Variants in CAMK2N1 observed in about 807,000 individuals in gnomAD.
The protein encoded by CAMK2N1 is calcium/calmodulin-dependent protein kinase II inhibitor 1.
In CAMK2N1, 2 loss-of-function variants were observed where a neutral mutation model predicts 6.4. The ratio of observed to expected loss-of-function variants is 0.31; its 90% CI spans 0.13 to 0.98. The LOEUF is 0.98. Among genes scored for constraint, CAMK2N1 ranks in the 50% least tolerant of loss-of-function variants. The pLI is 0.51. For synonymous variants in CAMK2N1, 42 were observed against 47.5 expected (o/e 0.88, Z 0.47); for missense variants, 77 against 107.3 (o/e 0.72, Z 1.25).
In CAMK2N1 at chr1:20,485,830, GGGAGCTGCGAGCGGC is replaced by G; in HGVS notation, c.-466_-452del. 6.6e-6 allele frequency: 1 copy of G among 152,216 alleles called. No individual in the cohort carries two copies. Among genetic ancestry groups the G allele is most frequent in the Non-Finnish European group, 1.5e-5 (1 of 68,004 alleles). The allele number at this position is 152,216 out of a possible 1,614,324, so 9.4% of individuals were successfully genotyped here. Reference sequence around the variant, plus strand: ...CGGCGCCGGTTCGGGGAGGCAGACTGGGAGCTGCGAGCGGCGGGGCTGCGAGGGGCGGAGGGGGAG... The same window carrying G: ...CGGCGCCGGTTCGGGGAGGCAGACTGGGGGCTGCGAGGGGCGGAGGGGGAG... On this transcript the variant is annotated 5_prime_UTR_variant, in exon 1 of 2. Coordinates refer to ENST00000375078, the MANE Select transcript of CAMK2N1 (RefSeq NM_018584.6). This position sits in a 1 kb window ranked among gnomAD's most constrained non-coding sequence, Gnocchi z 8.4.
chr1:20,484,033 G>A lies in CAMK2N1; in HGVS notation c.167-314C>T, dbSNP rs1170500710. ...CTGGCCCGCGTCCTCCCCGCACCAGGCGCACTAATTTAGACAGAAATGTCT... is the reference window on the plus strand; with the variant it reads ...CTGGCCCGCGTCCTCCCCGCACCAGACGCACTAATTTAGACAGAAATGTCT... On this transcript the variant is annotated intron_variant, in intron 1 of 1. Coordinates refer to ENST00000375078, the MANE Select transcript of CAMK2N1 (RefSeq NM_018584.6). The surrounding 1 kb of genome is among the most constrained non-coding windows in gnomAD (Gnocchi z 6.8). Among the ~76,000 whole-genome samples the A allele has an allele frequency of 6.6e-6, 1 of 152,342 alleles. No individual in the cohort carries two copies. Among genetic ancestry groups the A allele is most frequent in the Non-Finnish European group, 1.5e-5 (1 of 68,026 alleles).
At chr1:20,483,831 G>GC in intron 1 of CAMK2N1, 112 bp from the exon 2 acceptor site, 1 of 939,746 alleles carries the variant, frequency 1.1e-6, no homozygotes, top group South Asian at 1.3e-5. Flanking sequence ...GGGCGAGGGA[G>GC]CAGGGCTCAC....
rs571284722 is a variant in CAMK2N1, at chr1:20,484,416, C to A, written c.167-697G>T. 4.6e-5 allele frequency: 7 copies of A among 152,442 alleles called. No homozygotes were observed. The highest frequency in any genetic ancestry group is 1.4e-4 in the African/African-American group (6 of 41,582). The allele number at this position is 152,442 out of a possible 1,614,324, so 9.4% of individuals were successfully genotyped here. A position where few individuals can be genotyped will look rare whatever the true frequency, so the allele number is the denominator to read the frequency against. On this transcript the variant is annotated intron_variant, in intron 1 of 1. Coordinates refer to ENST00000375078, the MANE Select transcript of CAMK2N1 (RefSeq NM_018584.6). The surrounding 1 kb of genome is among the most constrained non-coding windows in gnomAD (Gnocchi z 6.8). ...TCAGTCCCTCCATCGTCCCTCGGCG[C>A]GACGGCCGGCAGCCGATCGAGGTCT...
In CAMK2N1 at chr1:20,482,657, A is replaced by G. The variant is rs2051477178; in HGVS notation, c.*992T>C. 6.6e-6 allele frequency: 1 copy of G among 152,622 alleles called. No individual in the cohort carries two copies. The highest frequency in any genetic ancestry group is 2.4e-5 in the African/African-American group (1 of 41,468). The allele number at this position is 152,622 out of a possible 1,614,324, so 9.5% of individuals were successfully genotyped here. A position where few individuals can be genotyped will look rare whatever the true frequency, so the allele number is the denominator to read the frequency against. ...GAAAAGACACTCCAAGCATTCCTGT[A>G]CGTGGACTCAGAGCACAGAGAAAAG... On this transcript the variant is annotated 3_prime_UTR_variant, in exon 2 of 2. Coordinates refer to ENST00000375078, the MANE Select transcript of CAMK2N1 (RefSeq NM_018584.6).
chr1:20,485,383 C>G lies in CAMK2N1; in HGVS notation c.-4G>C. 7.3e-7 allele frequency: 1 copy of G among 1,372,040 alleles called. No individual in the cohort carries two copies. Among genetic ancestry groups the G allele is most frequent in the East Asian group, 3.0e-5 (1 of 33,074 alleles). 85.0% of individuals were successfully genotyped at this position (1,372,040 alleles called of 1,614,324 possible). ...CGTAGGGCAGCACCTCCGACATGGT[C>G]GCGTCCGGGGGCTCCGCCGCGGCGC... On this transcript the variant is annotated 5_prime_UTR_variant, in exon 1 of 2. Coordinates refer to ENST00000375078, the MANE Select transcript of CAMK2N1 (RefSeq NM_018584.6). This position sits in a 1 kb window ranked among gnomAD's most constrained non-coding sequence, Gnocchi z 8.4.
In CAMK2N1 at chr1:20,483,728, A is replaced by C; in HGVS notation, c.167-9T>G. On this transcript the variant is annotated splice_polypyrimidine_tract_variant and intron_variant, in intron 1 of 1. Transcript: ENST00000375078. ...ATCATCTTCAATAACAACTGCAAAA[A>C]AAGGGGGGAAAAGAGAGGTGAGCGC... is the stretch of plus-strand genomic sequence containing the variant. 6.2e-7 allele frequency: 1 copy of C among 1,613,772 alleles called. No individual in the cohort carries two copies. Among genetic ancestry groups the C allele is most frequent in the South Asian group, 1.1e-5 (1 of 91,070 alleles).
chr1:20,485,391 G>C lies in CAMK2N1; in HGVS notation c.-12C>G. The C allele has an allele frequency of 7.6e-7, 1 of 1,316,256 alleles. No individual in the cohort carries two copies. Among genetic ancestry groups the C allele is most frequent in the Non-Finnish European group, 9.7e-7 (1 of 1,028,400 alleles). 81.5% of individuals were successfully genotyped at this position (1,316,256 alleles called of 1,614,324 possible). Reference sequence around the variant, plus strand: ...AGCACCTCCGACATGGTCGCGTCCGGGGGCTCCGCCGCGGCGCCTCCTCCG... The same window carrying C: ...AGCACCTCCGACATGGTCGCGTCCGCGGGCTCCGCCGCGGCGCCTCCTCCG... On this transcript the variant is annotated 5_prime_UTR_variant, in exon 1 of 2. Transcript: ENST00000375078. The surrounding 1 kb of genome is among the most constrained non-coding windows in gnomAD (Gnocchi z 8.4).
rs1462998863 is a variant in CAMK2N1 at position 20,486,193 on chromosome 1, C to G, written c.-814G>C. The G allele has an allele frequency of 6.8e-6, 1 of 147,174 alleles. No individual in the cohort carries two copies. Among genetic ancestry groups the G allele is most frequent in the African/African-American group, 2.5e-5 (1 of 39,464 alleles). 9.1% of individuals were successfully genotyped at this position (147,174 alleles called of 1,614,324 possible). On this transcript the variant is annotated 5_prime_UTR_variant, in exon 1 of 2. Coordinates refer to ENST00000375078, the MANE Select transcript of CAMK2N1 (RefSeq NM_018584.6). The surrounding 1 kb of genome is among the most constrained non-coding windows in gnomAD (Gnocchi z 6.5). ...AGGGAGGCAGGGATAGAGGAGGCAG[C>G]GAGCTGCGAGGAGAAATGCCGGCCG...
Position 20,483,443 on chromosome 1 carries a change from T to G in CAMK2N1, c.*206A>C, listed in dbSNP as rs2051484866. 1.0e-5 allele frequency: 4 copies of G among 392,778 alleles called. No homozygotes were observed. The highest frequency in any genetic ancestry group is 9.0e-6 in the Non-Finnish European group (2 of 221,192). The allele number at this position is 392,778 out of a possible 1,614,324, so 24.3% of individuals were successfully genotyped here. On this transcript the variant is annotated 3_prime_UTR_variant, in exon 2 of 2. Transcript: ENST00000375078. ...TTATTTATTTTTTTATTTTTATTTT[T>G]GCAGAGGAGCCCAGAGCCTTCTCCT...
Position 20,485,441 on chromosome 1 carries a change from AG to A in CAMK2N1, c.-63del. 4 of 1,180,542 alleles carry A rather than the reference AG, an allele frequency of 3.4e-6. No individual in the cohort carries two copies. The highest frequency in any genetic ancestry group is 4.2e-6 in the Non-Finnish European group (4 of 948,668). 73.1% of individuals were successfully genotyped at this position (1,180,542 alleles called of 1,614,324 possible). On this transcript the variant is annotated 5_prime_UTR_variant, in exon 1 of 2. Coordinates refer to ENST00000375078, the MANE Select transcript of CAMK2N1 (RefSeq NM_018584.6). The surrounding 1 kb of genome is among the most constrained non-coding windows in gnomAD (Gnocchi z 8.4). Reference sequence around the variant, plus strand: ...GCCCGCGTCCCCGCCCGCGGCGGACAGGGTCAGCGGCGCTGGGGCCGGGGGC... The same window carrying A: ...GCCCGCGTCCCCGCCCGCGGCGGACAGGTCAGCGGCGCTGGGGCCGGGGGC...
rs1171204737 is a variant in CAMK2N1 at position 20,483,550 on chromosome 1, T to TAGTA, written c.*95_*98dup. 13 of 1,034,442 alleles carry TAGTA rather than the reference T, an allele frequency of 1.3e-5. No homozygotes were observed. Among genetic ancestry groups the TAGTA allele is most frequent in the Non-Finnish European group, 2.0e-5 (13 of 656,992 alleles). 64.1% of individuals were successfully genotyped at this position (1,034,442 alleles called of 1,614,324 possible). A position where few individuals can be genotyped will look rare whatever the true frequency, so the allele number is the denominator to read the frequency against. ...GTTGATTTCATCGTGGGTAGCAAGC[T>TAGTA]AGTAATAAATTTCAAAGTGCTTTCT... On this transcript the variant is annotated 3_prime_UTR_variant, in exon 2 of 2. Transcript: ENST00000375078.
rs1432898816 is a variant in CAMK2N1 at position 20,485,504 on chromosome 1, T to C, written c.-125A>G. The C allele has an allele frequency of 1.5e-6, 1 of 657,096 alleles. No individual in the cohort carries two copies. Among genetic ancestry groups the C allele is most frequent in the African/African-American group, 2.0e-5 (1 of 49,994 alleles). 40.7% of individuals were successfully genotyped at this position (657,096 alleles called of 1,614,324 possible). ...GACGGCCCGCGGGCTGCTGCGGCGG[T>C]GGCGCCGGCGAGAGGCCGGGGGACG... On this transcript the variant is annotated 5_prime_UTR_variant, in exon 1 of 2. Coordinates refer to ENST00000375078, the MANE Select transcript of CAMK2N1 (RefSeq NM_018584.6). The surrounding 1 kb of genome is among the most constrained non-coding windows in gnomAD (Gnocchi z 8.4).
chr1:20,482,844 T>C lies in CAMK2N1; in HGVS notation c.*805A>G, dbSNP rs1405095735. On this transcript the variant is annotated 3_prime_UTR_variant, in exon 2 of 2. Transcript: ENST00000375078. ...AGTTAGAAAAAGCTCAAGCATTTTT[T>C]TCTTTGTTTTTCGTGTGTGTGTGTG... 1 of 142,392 alleles carries C rather than the reference T, an allele frequency of 7.0e-6. No homozygotes were observed. Among genetic ancestry groups the C allele is most frequent in the East Asian group, 2.2e-4 (1 of 4,634 alleles). 8.8% of individuals were successfully genotyped at this position (142,392 alleles called of 1,614,324 possible).
Position 20,485,216 on chromosome 1 carries a change from C to T in CAMK2N1, c.164G>A (p.Arg55Gln). Residue 55 changes from arginine to glutamine, a missense_variant and splice_region_variant, in exon 1 of 2, where the codon CGG (arginine) becomes CAG (glutamine). Coordinates refer to ENST00000375078, the MANE Select transcript of CAMK2N1 (RefSeq NM_018584.6). The surrounding 1 kb of genome is among the most constrained non-coding windows in gnomAD (Gnocchi z 8.4). ...AGACAAGGGGGCCGCGAACTCACCCCGCTTGCTCCGGCCGATCTGGCCCAG... is the reference window on the plus strand; with the variant it reads ...AGACAAGGGGGCCGCGAACTCACCCTGCTTGCTCCGGCCGATCTGGCCCAG... ...PKLGQIGRSK[R>Q]VVIEDDRIDD... 6.3e-7 allele frequency: 1 copy of T among 1,593,856 alleles called. No individual in the cohort carries two copies.
In CAMK2N1 at chr1:20,483,691, G is replaced by A. The variant is rs776224235; in HGVS notation, c.195C>T (p.Asp65=). The part of the protein sequence containing the change: ...RVVIEDDRID[D]VLKNMTDKAP... ...CCTTGTCGGTCATATTTTTCAGCAC[G>A]TCATCAATCCTATCATCTTCAATAA... The change falls in exon 2 of 2, where the codon GAC becomes GAT. Residue 65 remains aspartate, a synonymous_variant. Coordinates refer to ENST00000375078, the MANE Select transcript of CAMK2N1 (RefSeq NM_018584.6). 6.2e-7 allele frequency: 1 copy of A among 1,614,088 alleles called. No individual in the cohort carries two copies. The highest frequency in any genetic ancestry group is 8.5e-7 in the Non-Finnish European group (1 of 1,179,992).
Position 20,483,765 on chromosome 1 carries a change from G to A in CAMK2N1, c.167-46C>T, listed in dbSNP as rs1238396425. On this transcript the variant is annotated intron_variant, in intron 1 of 1. Coordinates refer to ENST00000375078, the MANE Select transcript of CAMK2N1 (RefSeq NM_018584.6). ...AGAGAGGTGAGCGCGCTGGGGCCTAGCCAGAGGTCTCTGACATTTCCCGTT... is the reference window on the plus strand; with the variant it reads ...AGAGAGGTGAGCGCGCTGGGGCCTAACCAGAGGTCTCTGACATTTCCCGTT... 3.9e-6 allele frequency: 6 copies of A among 1,540,504 alleles called. No individual in the cohort carries two copies. In the South Asian group the frequency reaches 5.6e-5, roughly 14 times the overall value.
Position 20,483,596 on chromosome 1 carries a change from T to C in CAMK2N1, c.*53A>G. 1 of 1,486,058 alleles carries C rather than the reference T, an allele frequency of 6.7e-7. No homozygotes were observed. The highest frequency in any genetic ancestry group is 2.3e-5 in the East Asian group (1 of 44,270). 92.1% of individuals were successfully genotyped at this position (1,486,058 alleles called of 1,614,324 possible). A position where few individuals can be genotyped will look rare whatever the true frequency, so the allele number is the denominator to read the frequency against. ...TTTCTCTTTTCATGCTTTTTGCCAA[T>C]AACTGTTACCGCCGTTCTTATTCTC... On this transcript the variant is annotated 3_prime_UTR_variant, in exon 2 of 2. Coordinates refer to ENST00000375078, the MANE Select transcript of CAMK2N1 (RefSeq NM_018584.6).
In CAMK2N1 at chr1:20,485,125, G is replaced by C; in HGVS notation, c.166+89C>G. On this transcript the variant is annotated intron_variant, in intron 1 of 1. Coordinates refer to ENST00000375078, the MANE Select transcript of CAMK2N1 (RefSeq NM_018584.6). This position sits in a 1 kb window ranked among gnomAD's most constrained non-coding sequence, Gnocchi z 8.4. ...GAAGGGATTCCGTCAGGTCTGAACG[G>C]GCTCCAGCGGGTGGGAGACCTCCGC... is the stretch of plus-strand genomic sequence containing the variant. 2 of 1,388,230 alleles carry C rather than the reference G, an allele frequency of 1.4e-6. No individual in the cohort carries two copies. The highest frequency in any genetic ancestry group is 9.6e-7 in the Non-Finnish European group (1 of 1,040,122). The allele number at this position is 1,388,230 out of a possible 1,614,324, so 86.0% of individuals were successfully genotyped here.
At position 20,485,420 on chromosome 1, in the gene CAMK2N1, G is replaced by T; in HGVS notation, c.-41C>A. 1.6e-6 allele frequency: 2 copies of T among 1,256,538 alleles called. No individual in the cohort carries two copies. Among genetic ancestry groups the T allele is most frequent in the African/African-American group, 1.6e-5 (1 of 63,676 alleles). The allele number at this position is 1,256,538 out of a possible 1,614,324, so 77.8% of individuals were successfully genotyped here. Reference sequence around the variant, plus strand: ...CTCCGCCGCGGCGCCTCCTCCGCCCGCGTCCCCGCCCGCGGCGGACAGGGT... The same window carrying T: ...CTCCGCCGCGGCGCCTCCTCCGCCCTCGTCCCCGCCCGCGGCGGACAGGGT... On this transcript the variant is annotated 5_prime_UTR_variant, in exon 1 of 2. Coordinates refer to ENST00000375078, the MANE Select transcript of CAMK2N1 (RefSeq NM_018584.6). This position sits in a 1 kb window ranked among gnomAD's most constrained non-coding sequence, Gnocchi z 8.4.
Sources: allele counts gnomAD v4.1 joint callset (sites outside exome capture counted in the v4.1 genomes callset), GRCh38; gene constraint gnomAD v4.1.1; non-coding constraint Gnocchi (gnomAD v3.1); transcripts MANE v1.5; gene names NCBI Gene and HGNC (gene_info 2026-07-23, HGNC 2026-07-21).